FAM107A: variants seen among roughly 807,000 people sequenced by gnomAD.
FAM107A encodes family with sequence similarity 107 member A, also known as actin-associated protein FAM107A.
In FAM107A, 19 loss-of-function variants were observed where a neutral mutation model predicts 13.7. The observed-to-expected ratio is 1.38, with a 90% confidence interval of 0.97 to 2.03. FAM107A has a LOEUF of 2.03. FAM107A is among the 30% of genes most tolerant of loss of function. FAM107A has a pLI of 0.00. For synonymous variants in FAM107A, 82 were observed against 74.5 expected (o/e 1.10, Z -0.52); for missense variants, 203 against 184.4 (o/e 1.10, Z -0.58).
chr3:58,583,723 C>T (rs2065573188), intron 1 of FAM107A, among the ~76,000 whole-genome samples: 1 of 151,266 alleles, frequency 6.6e-6, no homozygotes, highest in Non-Finnish European at 1.5e-5. Context: ...CTCTGTTGCT[C>T]AGGCTGGAGG....
At chr3:58,603,949 G>A (rs1575452466) in intron 1 of FAM107A, among the ~76,000 whole-genome samples, 1 of 152,332 alleles carries the variant, frequency 6.6e-6, no homozygotes, top group East Asian at 1.9e-4. Flanking sequence ...GGAAGACCAT[G>A]CTCAGAGCCC....
chr3:58,580,664 T>C (rs2065527541), upstream of FAM107A, among the ~76,000 whole-genome samples: 1 of 152,038 alleles, frequency 6.6e-6, no homozygotes, highest in African/African-American at 2.4e-5. Context: ...TCCTCCTGCT[T>C]CAGCCTCCCA....
At chr3:58,577,864 C>T (rs149817883), upstream of FAM107A, 2 of 278,326 alleles carry the variant, frequency 7.2e-6, no homozygotes, top group Admixed American at 6.5e-5. The surrounding 1 kb of genome is among the most constrained non-coding windows in gnomAD (Gnocchi z 4.9). Flanking sequence ...TAATTATCCA[C>T]GAATGGGTCA....
intron 1 of FAM107A, among the ~76,000 whole-genome samples, chr3:58,623,210 G>A (rs994929111): frequency 6.6e-6 from 1 of 152,200 alleles, no homozygotes; most frequent in Non-Finnish European, 1.5e-5. Flanking sequence ...TTTAGCCATA[G>A]TGCTTCTATT....
intron 1 of FAM107A, among the ~76,000 whole-genome samples, chr3:58,624,501 T>C (rs1575460889): frequency 1.3e-5 from 2 of 151,994 alleles, no homozygotes; most frequent in East Asian, 3.9e-4. Context: ...GAGAGAACGC[T>C]GTCTCTCCTC....
chr3:58,584,169 C>T (rs2065578505), intron 1 of FAM107A, among the ~76,000 whole-genome samples: 1 of 152,176 alleles, frequency 6.6e-6, no homozygotes, highest in Non-Finnish European at 1.5e-5. Flanking sequence ...CAGCTTCACT[C>T]TCGATGAGTT....
Position 58,623,088 on chromosome 3 carries a change from G to C in FAM107A, c.-70+4328C>G, listed in dbSNP as rs181233214. Among the ~76,000 whole-genome samples, 133 of 152,308 alleles carry C rather than the reference G, an allele frequency of 8.7e-4. 1 individual carries two copies. The highest frequency in any genetic ancestry group is 6.8e-3 in the Middle Eastern group (2 of 294). ...CTTGGCGGCCCTGAGCACCAGGCAG[G>C]CCCATCCATCATCGGCAGGGAAAAT... is the stretch of plus-strand genomic sequence containing the variant. On this transcript the variant is annotated intron_variant, in intron 1 of 3. Coordinates refer to the FAM107A transcript ENST00000465970.
upstream of FAM107A, among the ~76,000 whole-genome samples, chr3:58,579,262 T>C (rs2063753445): frequency 6.6e-6 from 1 of 151,982 alleles, no homozygotes; most frequent in East Asian, 1.9e-4. Flanking sequence ...GGTGCCATCT[T>C]GGGAGTGAGG....
chr3:58,612,581 G>GAA (rs541011138), intron 1 of FAM107A, among the ~76,000 whole-genome samples: 5 of 137,730 alleles, frequency 3.6e-5, no homozygotes, highest in South Asian at 4.6e-4. Context: ...GAGAGACCCT[G>GAA]AAAAAAAAAA....
At chr3:58,576,861 A>G (rs546762714) in intron 1 of FAM107A, among the ~76,000 whole-genome samples, 1 of 152,246 alleles carries the variant, frequency 6.6e-6, no homozygotes, top group African/African-American at 2.4e-5. Context: ...ACTGAAGTTC[A>G]GGGAAGTCAT....
At chr3:58,572,968 T>C (rs1290954172) in intron 1 of FAM107A, among the ~76,000 whole-genome samples, 2 of 152,196 alleles carry the variant, frequency 1.3e-5, no homozygotes, top group Non-Finnish European at 2.9e-5. Context: ...CACTGGGCCC[T>C]GTCAATTATG....
chr3:58,566,661 G>C lies in FAM107A; in HGVS notation c.362C>G (p.Ala121Gly). Residue 121 changes from alanine to glycine, a missense_variant, in exon 4 of 4, where the codon GCC (alanine) becomes GGC (glycine). Coordinates refer to ENST00000360997, the MANE Select transcript of FAM107A (RefSeq NM_001076778.3). ...EKPPEKEEDH[A>G]PEFIKVRENL... ...TTCCCTGACTTTAATAAACTCGGGG[G>C]CGTGATCCTCTTCCTTCTCTGGTGG... 6.2e-7 allele frequency: 1 copy of C among 1,614,020 alleles called. No individual in the cohort carries two copies. Among genetic ancestry groups the C allele is most frequent in the Non-Finnish European group, 8.5e-7 (1 of 1,179,928 alleles).
chr3:58,577,370 C>G lies in FAM107A; in HGVS notation c.-67G>C, dbSNP rs1185067764. On this transcript the variant is annotated 5_prime_UTR_variant, in exon 1 of 4. Coordinates refer to ENST00000360997, the MANE Select transcript of FAM107A (RefSeq NM_001076778.3). The surrounding 1 kb of genome is among the most constrained non-coding windows in gnomAD (Gnocchi z 4.9). ...CGTGTTGCTGGGTTCCTCACTCCAC[C>G]GGGAAGTCCCAGACTAGCAAGGAGG... The G allele has an allele frequency of 1.0e-6, 1 of 985,284 alleles. No homozygotes were observed. The highest frequency in any genetic ancestry group is 1.2e-6 in the Non-Finnish European group (1 of 829,952). 61.0% of individuals were successfully genotyped at this position (985,284 alleles called of 1,614,324 possible).
At position 58,566,585 on chromosome 3, in the gene FAM107A, G is replaced by T; in HGVS notation, c.*3C>A. On this transcript the variant is annotated 3_prime_UTR_variant, in exon 4 of 4. Coordinates refer to ENST00000360997, the MANE Select transcript of FAM107A (RefSeq NM_001076778.3). Reference sequence around the variant, plus strand: ...GGCAGTGGCCTGAGCCCGGCAGCTGGCCCTACAGCTCTCTCTCTTCGCTGG... The same window carrying T: ...GGCAGTGGCCTGAGCCCGGCAGCTGTCCCTACAGCTCTCTCTCTTCGCTGG... The T allele has an allele frequency of 6.2e-7, 1 of 1,609,510 alleles. No individual in the cohort carries two copies. The highest frequency in any genetic ancestry group is 8.5e-7 in the Non-Finnish European group (1 of 1,176,406).
At chr3:58,592,856 G>A (rs1460300029) in intron 1 of FAM107A, among the ~76,000 whole-genome samples, 1 of 152,078 alleles carries the variant, frequency 6.6e-6, no homozygotes, top group Admixed American at 6.5e-5. Context: ...TTTCTTGCTG[G>A]GCCCCAATCT....
upstream of FAM107A, among the ~76,000 whole-genome samples, chr3:58,578,143 C>T (rs1189871509): frequency 1.3e-5 from 2 of 152,160 alleles, no homozygotes; most frequent in Non-Finnish European, 2.9e-5. Flanking sequence ...CAAAGCTCAG[C>T]ATATAGGACT....
chr3:58,596,168 A>G (rs1026301757), intron 1 of FAM107A, among the ~76,000 whole-genome samples: 2 of 152,160 alleles, frequency 1.3e-5, no homozygotes, highest in African/African-American at 4.8e-5. Context: ...ATTGTTGAGA[A>G]AAACCTCTTG....
chr3:58,577,143 G>A lies in FAM107A; in HGVS notation c.-6+166C>T, dbSNP rs1430988986. The stretch of plus-strand genomic sequence containing the variant: ...CCCAGGGTGCCTGGAGGCATCTCCC[G>A]TATCATTTTATGGATGCTGGGACAT... On this transcript the variant is annotated intron_variant, in intron 1 of 3. Transcript: ENST00000360997. This position sits in a 1 kb window ranked among gnomAD's most constrained non-coding sequence, Gnocchi z 4.9. Among the ~76,000 whole-genome samples the A allele has an allele frequency of 1.3e-5, 2 of 152,178 alleles. No individual in the cohort carries two copies. The highest frequency in any genetic ancestry group is 2.4e-5 in the African/African-American group (1 of 41,458).
At chr3:58,585,818 T>C (rs9837306) in intron 1 of FAM107A, among the ~76,000 whole-genome samples, 3,685 of 152,242 alleles carry the variant, frequency 0.024, 164 homozygotes, top group African/African-American at 0.085. Flanking sequence ...TTCTCTTTTT[T>C]TCCCCCCTAC....
Sources: gnomAD v4.1 joint callset for allele counts (sites outside exome capture counted in the v4.1 genomes callset) on GRCh38, gnomAD v4.1.1 for gene constraint, Gnocchi (gnomAD v3.1) non-coding constraint, MANE v1.5 for transcripts, NCBI Gene and HGNC (gene_info 2026-07-23, HGNC 2026-07-21) for gene names.